Variants in SETD3 observed in about 807,000 individuals in gnomAD.
The protein encoded by SETD3 is SET domain containing 3, actin N3(tau)-histidine methyltransferase, also known as actin-histidine N-methyltransferase.
SETD3 carries 19 observed loss-of-function variants against 63.0 expected under a neutral mutation model. The ratio of observed to expected loss-of-function variants is 0.30; its 90% CI spans 0.21 to 0.44. The LOEUF is 0.44. Ranked by LOEUF, SETD3 falls within the 20% of genes least tolerant of loss-of-function variation. The pLI, the probability that SETD3 is intolerant of heterozygous loss-of-function variation, is 1.00. For missense variants in SETD3, 587 were observed against 728.5 expected (o/e 0.81, Z 2.24); for synonymous variants, 286 against 264.1 (o/e 1.08, Z -0.80).
intron 6 of SETD3, among the ~76,000 whole-genome samples, chr14:99,439,606 G>A (rs1034671688): frequency 2.0e-5 from 3 of 146,644 alleles, no homozygotes; most frequent in African/African-American, 7.5e-5. Flanking sequence ...ACATATCTAT[G>A]TATTAAATAT....
rs1566867817 is a variant in SETD3 at position 99,398,744 on chromosome 14, TTTC to T, written c.1717_1719del (p.Glu573del). ...TTGGCGTCTTCAACTGCTCTTTTACTTTCTTGATTGAGACTTTCATTTTCGGAC... is the reference window on the plus strand; with the variant it reads ...TTGGCGTCTTCAACTGCTCTTTTACTTTGATTGAGACTTTCATTTTCGGAC... On this transcript the variant is annotated inframe_deletion, in exon 13 of 13. Coordinates refer to ENST00000331768, the MANE Select transcript of SETD3 (RefSeq NM_032233.3). The T allele has an allele frequency of 1.9e-6, 3 of 1,614,248 alleles. No homozygotes were observed. Among genetic ancestry groups the T allele is most frequent in the African/African-American group, 2.7e-5 (2 of 75,060 alleles).
At chr14:99,472,757 A>C (rs867052015) in intron 1 of SETD3, among the ~76,000 whole-genome samples, 1 of 152,240 alleles carries the variant, frequency 6.6e-6, no homozygotes, top group Admixed American at 6.5e-5. Context: ...TTTTTTCCAC[A>C]AAGTTTAGAC....
chr14:99,423,959 CT>C (rs756328600), intron 6 of SETD3, among the ~76,000 whole-genome samples: 135 of 143,426 alleles, frequency 9.4e-4, no homozygotes, highest in Middle Eastern at 3.6e-3. Context: ...ATTTCACTCT[CT>C]TTTTTTTTTT....
chr14:99,463,380 G>C (rs1375244659), intron 3 of SETD3, 106 bp downstream of exon 3: 1 of 815,874 alleles, frequency 1.2e-6, no homozygotes, highest in Non-Finnish European at 2.0e-6. Flanking sequence ...AGACCTTTCA[G>C]AGTGACACCA....
Position 99,459,201 on chromosome 14 carries a change from A to G in SETD3, c.346-16T>C, listed in dbSNP as rs1894932819. 3 of 1,575,570 alleles carry G rather than the reference A, an allele frequency of 1.9e-6. No homozygotes were observed. The highest frequency in any genetic ancestry group is 1.1e-5 in the South Asian group (1 of 89,122). ...ATTCTTCTGCCTAGGGAAAAAAATAATAATAGGAGAATCATCAAAACACGG... is the reference window on the plus strand; with the variant it reads ...ATTCTTCTGCCTAGGGAAAAAAATAGTAATAGGAGAATCATCAAAACACGG... On this transcript the variant is annotated splice_polypyrimidine_tract_variant and intron_variant, in intron 4 of 12. Coordinates refer to ENST00000331768, the MANE Select transcript of SETD3 (RefSeq NM_032233.3).
intron 12 of SETD3, 63 bp from the exon 13 acceptor site, chr14:99,399,188 G>T (rs1891244609): frequency 1.4e-6 from 2 of 1,467,056 alleles, no homozygotes; most frequent in Non-Finnish European, 1.9e-6. Flanking sequence ...AGAGACAGAG[G>T]GCACAACGGC....
chr14:99,476,815 C>T (rs1305146283), intron 1 of SETD3, among the ~76,000 whole-genome samples: 5 of 152,170 alleles, frequency 3.3e-5, no homozygotes, highest in Non-Finnish European at 5.9e-5. Context: ...ACGTGAAACT[C>T]AGGATCATAG....
chr14:99,442,581 C>T (rs924822465), intron 6 of SETD3, among the ~76,000 whole-genome samples: 1 of 152,216 alleles, frequency 6.6e-6, no homozygotes, highest in African/African-American at 2.4e-5. Flanking sequence ...GATGAAGACC[C>T]TGATGATAAC....
At chr14:99,413,619 A>G (rs1273118288) in intron 7 of SETD3, among the ~76,000 whole-genome samples, 1 of 152,228 alleles carries the variant, frequency 6.6e-6, no homozygotes, top group Non-Finnish European at 1.5e-5. Flanking sequence ...ACCCAACACT[A>G]ATGTTAATCT....
chr14:99,460,023 T>C (rs1307176926), intron 4 of SETD3, among the ~76,000 whole-genome samples: 1 of 152,204 alleles, frequency 6.6e-6, no homozygotes, highest in African/African-American at 2.4e-5. Flanking sequence ...CTGGGCAGCA[T>C]CCACACAAAT....
intron 6 of SETD3, among the ~76,000 whole-genome samples, chr14:99,452,851 G>T (rs535573718): frequency 1.5e-4 from 23 of 152,316 alleles, no homozygotes; most frequent in African/African-American, 5.5e-4. Context: ...AGATCGCGGG[G>T]GGAGAAAACA....
intron 6 of SETD3, among the ~76,000 whole-genome samples, chr14:99,424,805 C>G (rs564517377): frequency 7.3e-4 from 111 of 152,266 alleles, no homozygotes; most frequent in African/African-American, 2.6e-3. Flanking sequence ...AGCTGAGACA[C>G]AGAGACCCTG....
intron 1 of SETD3, among the ~76,000 whole-genome samples, chr14:99,467,607 C>T (rs1056513053): frequency 1.3e-5 from 2 of 152,214 alleles, no homozygotes; most frequent in African/African-American, 4.8e-5. Flanking sequence ...GGTCTGCTGG[C>T]TTGGCAGGAG....
chr14:99,454,759 C>T (rs919148783), intron 6 of SETD3, among the ~76,000 whole-genome samples: 2 of 20,042 alleles, frequency 1.0e-4, no homozygotes, highest in South Asian at 0.071. Context: ...CAAAATGGCA[C>T]AGTTCTAAGT....
intron 11 of SETD3, among the ~76,000 whole-genome samples, chr14:99,402,197 C>T (rs1891424020): frequency 6.6e-6 from 1 of 152,180 alleles, no homozygotes; most frequent in African/African-American, 2.4e-5. Flanking sequence ...TCCAAACAGT[C>T]GCTGAGCTCC....
Position 99,400,156 on chromosome 14 carries a change from C to G in SETD3, c.1281G>C (p.Trp427Cys). The change falls in exon 12 of 13, where the codon TGG becomes TGC. Residue 427 changes from tryptophan to cysteine, a missense_variant. Coordinates refer to ENST00000331768, the MANE Select transcript of SETD3 (RefSeq NM_032233.3). ...GTGAGGCTCTATCTTCAAGAAATGT[C>G]CAAAGTTTGACCTCGTTGTCCCAGC... is the stretch of plus-strand genomic sequence containing the variant. ...PVSWDNEVKLWTFLEDRASLL... is the reference protein window; with the variant it reads ...PVSWDNEVKLCTFLEDRASLL... 6.2e-7 allele frequency: 1 copy of G among 1,614,090 alleles called. No individual in the cohort carries two copies. The highest frequency in any genetic ancestry group is 8.5e-7 in the Non-Finnish European group (1 of 1,179,978).
chr14:99,458,121 T>C (rs1894862087), intron 6 of SETD3, among the ~76,000 whole-genome samples, 158 bp downstream of exon 6: 1 of 152,228 alleles, frequency 6.6e-6, no homozygotes, highest in South Asian at 2.1e-4. Context: ...TTGATATTTC[T>C]GTAAAAACAA....
intron 11 of SETD3, among the ~76,000 whole-genome samples, chr14:99,401,635 TTTTA>T (rs1284387563): frequency 6.6e-5 from 10 of 152,242 alleles, no homozygotes; most frequent in South Asian, 2.1e-4. Flanking sequence ...GTTTATTAAC[TTTTA>T]TTTGTTAGTA....
chr14:99,420,175 G>A lies in SETD3; in HGVS notation c.676-6241C>T, dbSNP rs545556901. ...CCTGCCCTGTTCCTGCCTTTCCCAC[G>A]CTGGCCTCAGTCTGCCCCTCACAAC... On this transcript the variant is annotated intron_variant, in intron 6 of 12. Transcript: ENST00000331768. Among the ~76,000 whole-genome samples, 30 of 152,056 alleles carry A rather than the reference G, an allele frequency of 2.0e-4. No homozygotes were observed. In the South Asian group the frequency reaches 2.5e-3, roughly 13 times the overall value.
Sources: allele counts gnomAD v4.1 joint callset (sites outside exome capture counted in the v4.1 genomes callset), GRCh38; gene constraint gnomAD v4.1.1; transcripts MANE v1.5; gene names NCBI Gene and HGNC (gene_info 2026-07-23, HGNC 2026-07-21).